ERICH3: variants seen among roughly 807,000 people sequenced by gnomAD.
ERICH3 encodes glutamate rich 3.
In ERICH3, 126 loss-of-function variants were observed where a neutral mutation model predicts 131.1. That is an observed-to-expected ratio of 0.96 (90% CI 0.83 to 1.11). The LOEUF (loss-of-function observed/expected upper bound fraction) is 1.11, where lower values mean the gene tolerates loss of function less well. ERICH3 is among the 50% of genes most tolerant of loss of function. The probability of loss-of-function intolerance (pLI) is 0.00; values close to 1 mark genes in which losing one functional copy is unlikely to be tolerated. For synonymous variants in ERICH3, 695 were observed against 644.6 expected (o/e 1.08, Z -1.18); for missense variants, 2,050 against 1,810.7 (o/e 1.13, Z -2.40).
rs774237297 is a variant in ERICH3 at position 74,673,471 on chromosome 1, G to T, written c.23+26C>A. The T allele has an allele frequency of 3.1e-6, 5 of 1,610,948 alleles. No homozygotes were observed. In the Admixed American group the frequency reaches 8.4e-5, roughly 27 times the overall value. ...GGCTGAAGCCGCCACCTGCCACAGCGTGGAAAAGCTCCAGTTGTCACTTAC... is the reference window on the plus strand; with the variant it reads ...GGCTGAAGCCGCCACCTGCCACAGCTTGGAAAAGCTCCAGTTGTCACTTAC... On this transcript the variant is annotated intron_variant, in intron 1 of 14. Transcript: ENST00000326665.
intron 9 of ERICH3, among the ~76,000 whole-genome samples, chr1:74,612,116 A>G (rs1206245279): frequency 2.0e-5 from 3 of 152,222 alleles, no homozygotes; most frequent in Non-Finnish European, 4.4e-5. Context: ...GCATTTTGTT[A>G]TGCCCAAGAT....
chr1:74,601,327 T>A (rs917242152), intron 10 of ERICH3, among the ~76,000 whole-genome samples: 2 of 151,700 alleles, frequency 1.3e-5, no homozygotes, highest in African/African-American at 4.8e-5. Flanking sequence ...CTTCTATGAT[T>A]AAGAGGATAA....
intron 6 of ERICH3, among the ~76,000 whole-genome samples, chr1:74,634,108 C>G (rs987846859): frequency 5.9e-5 from 9 of 152,088 alleles, no homozygotes; most frequent in Admixed American, 5.9e-4. Context: ...TGAGTGCTCA[C>G]TACATACTCA....
At chr1:74,595,714 G>T (rs768747800) in intron 11 of ERICH3, among the ~76,000 whole-genome samples, 1 of 152,024 alleles carries the variant, frequency 6.6e-6, no homozygotes, top group Non-Finnish European at 1.5e-5. Context: ...AAACTGTAGA[G>T]AAACACTTCA....
At chr1:74,671,316 C>T (rs1646741050) in intron 1 of ERICH3, among the ~76,000 whole-genome samples, 1 of 151,540 alleles carries the variant, frequency 6.6e-6, no homozygotes, top group Admixed American at 6.6e-5. Flanking sequence ...GCCCTTTGTC[C>T]TGTTCCCTCA....
intron 11 of ERICH3, among the ~76,000 whole-genome samples, chr1:74,596,021 C>T (rs1481761643): frequency 6.6e-6 from 1 of 152,024 alleles, no homozygotes; most frequent in Non-Finnish European, 1.5e-5. Context: ...AAGCCTACAC[C>T]CCTATACTTC....
intron 11 of ERICH3, among the ~76,000 whole-genome samples, chr1:74,598,079 T>C (rs1647941357): frequency 6.6e-6 from 1 of 151,956 alleles, no homozygotes; most frequent in Non-Finnish European, 1.5e-5. Flanking sequence ...TCTTTTACCA[T>C]GAAAGTCTAC....
Position 74,631,751 on chromosome 1 carries a change from T to A in ERICH3, c.781A>T (p.Thr261Ser). 6.2e-7 allele frequency: 1 copy of A among 1,613,530 alleles called. No individual in the cohort carries two copies. The highest frequency in any genetic ancestry group is 1.1e-5 in the South Asian group (1 of 91,054). ...ETWRRRRFRP[T>S]TAPNGLEPLL... ...GGTTCTAAGCCATTTGGAGCAGTGG[T>A]TGGACGAAATCTTCTCCTTCTCCAT... The change falls in exon 7 of 15, where the codon ACC (threonine) becomes TCC (serine). Residue 261 changes from threonine to serine, a missense_variant. Transcript: ENST00000326665.
At chr1:74,621,508 T>G (rs1649220024) in intron 7 of ERICH3, 1 of 152,140 alleles carries the variant, frequency 6.6e-6, no homozygotes, top group African/African-American at 2.4e-5. Context: ...TAATTTGGGC[T>G]TGGGACTATC....
chr1:74,614,367 T>TAAAA lies in ERICH3; in HGVS notation c.1001-1562_1001-1559dup, dbSNP rs58516429. Among the ~76,000 whole-genome samples, 281 of 114,928 alleles carry TAAAA rather than the reference T, an allele frequency of 2.4e-3. 1 individual carries two copies. Among genetic ancestry groups the TAAAA allele is most frequent in the African/African-American group, 9.1e-3 (278 of 30,686 alleles). 75.4% of individuals were successfully genotyped at this position (114,928 alleles called of 152,430 possible). On this transcript the variant is annotated intron_variant, in intron 8 of 14. Transcript: ENST00000326665. ...CACTGTGTGTACCACATTTTTTCCC[T>TAAAA]AAAAAAAAAAAAAAAAAAAAAACTC...
chr1:74,665,328 G>GCCAC (rs1557706204), intron 1 of ERICH3, among the ~76,000 whole-genome samples: 3 of 152,008 alleles, frequency 2.0e-5, no homozygotes, highest in South Asian at 2.1e-4. Flanking sequence ...TTGTTTCTAA[G>GCCAC]CCACCCAGTC....
intron 1 of ERICH3, among the ~76,000 whole-genome samples, chr1:74,661,870 A>G (rs1474532994): frequency 1.3e-5 from 2 of 152,234 alleles, no homozygotes; most frequent in African/African-American, 4.8e-5. Context: ...CCAAAAATAA[A>G]TCCTCTTCGG....
intron 8 of ERICH3, among the ~76,000 whole-genome samples, chr1:74,615,888 C>T (rs1041854103): frequency 1.4e-4 from 22 of 152,154 alleles, no homozygotes; most frequent in Admixed American, 1.4e-3. Flanking sequence ...AAAAACCTTT[C>T]GCCTGTGGTA....
chr1:74,672,083 T>A (rs1225055867), intron 1 of ERICH3, among the ~76,000 whole-genome samples: 1 of 152,230 alleles, frequency 6.6e-6, no homozygotes, highest in Non-Finnish European at 1.5e-5. Flanking sequence ...CACAGTTTAA[T>A]CAATAGCTAC....
Position 74,589,743 on chromosome 1 carries a change from G to A in ERICH3, c.2064C>T (p.Ser688=), listed in dbSNP as rs187355278. The A allele has an allele frequency of 6.9e-4, 1,110 of 1,613,916 alleles. 12 individuals carry two copies. The highest frequency in any genetic ancestry group is 8.6e-5 in the Non-Finnish European group (102 of 1,179,938). The change falls in exon 12 of 15, where the codon TCC becomes TCT. Residue 688 remains serine, a synonymous_variant. Coordinates refer to ENST00000326665, the MANE Select transcript of ERICH3 (RefSeq NM_001002912.5). The part of the protein sequence containing the change: ...QEIAEGLSEK[S]GKHVSAEEKE... ...TTTCTTCTGCAGAAACATGTTTCCC[G>A]GACTTCTCAGATAAACCCTCTGCAA... is the stretch of plus-strand genomic sequence containing the variant.
At chr1:74,581,211 A>G (rs1422573356) in intron 12 of ERICH3, among the ~76,000 whole-genome samples, 1 of 152,174 alleles carries the variant, frequency 6.6e-6, no homozygotes, top group Non-Finnish European at 1.5e-5. Context: ...TTAGTCTTCT[A>G]TTCAAATAGT....
intron 1 of ERICH3, among the ~76,000 whole-genome samples, chr1:74,653,059 C>T (rs1231114411): frequency 1.3e-5 from 2 of 151,996 alleles, no homozygotes; most frequent in Admixed American, 1.3e-4. Context: ...TTCCCAGCTG[C>T]GGCCTTTCAG....
chr1:74,592,997 G>C (rs546920935), intron 11 of ERICH3, among the ~76,000 whole-genome samples: 98 of 152,146 alleles, frequency 6.4e-4, no homozygotes, highest in African/African-American at 2.2e-3. Context: ...TCATTAGGAG[G>C]GAAAAATTAT....
intron 9 of ERICH3, among the ~76,000 whole-genome samples, chr1:74,609,284 T>C (rs879415011): frequency 2.0e-5 from 3 of 152,064 alleles, no homozygotes; most frequent in Non-Finnish European, 2.9e-5. Flanking sequence ...TAATTCCTAA[T>C]CATTTAGAAA....
Sources: allele counts gnomAD v4.1 joint callset (sites outside exome capture counted in the v4.1 genomes callset), GRCh38; gene constraint gnomAD v4.1.1; transcripts MANE v1.5; gene names NCBI Gene and HGNC (gene_info 2026-07-23, HGNC 2026-07-21).